Variants in CAMK4 observed in about 807,000 individuals in gnomAD.
CAMK4 encodes the protein calcium/calmodulin-dependent protein kinase type IV.
A neutral mutation model predicts 44.9 loss-of-function variants in CAMK4; 22 were observed. The ratio of observed to expected loss-of-function variants is 0.49; its 90% CI spans 0.35 to 0.70. The LOEUF (loss-of-function observed/expected upper bound fraction) is 0.70, where lower values mean the gene tolerates loss of function less well. Among genes scored for constraint, CAMK4 ranks in the 30% least tolerant of loss-of-function variants. The pLI is 0.01. For synonymous variants in CAMK4, 218 were observed against 215.4 expected (o/e 1.01, Z -0.11); for missense variants, 498 against 586.8 (o/e 0.85, Z 1.56).
At chr5:111,296,629 T>C (rs753063359) in intron 1 of CAMK4, among the ~76,000 whole-genome samples, 5 of 152,168 alleles carry the variant, frequency 3.3e-5, no homozygotes, top group Non-Finnish European at 7.4e-5. Flanking sequence ...TGAGTATAGA[T>C]AGACAAATAA....
chr5:111,292,562 A>G (rs1747318977), intron 1 of CAMK4, among the ~76,000 whole-genome samples: 1 of 152,142 alleles, frequency 6.6e-6, no homozygotes, highest in Non-Finnish European at 1.5e-5. Flanking sequence ...TCTCTGTTTA[A>G]TAGCATAGTG....
intron 1 of CAMK4, 30 bp from the exon 2 acceptor site, chr5:111,343,994 C>A (rs776391884): frequency 1.8e-5 from 24 of 1,326,016 alleles, no homozygotes; most frequent in Non-Finnish European, 2.6e-5. Context: ...CAAAGCATAA[C>A]ATTTTCTTTT....
chr5:111,398,464 T>G (rs1205019327), intron 5 of CAMK4, among the ~76,000 whole-genome samples: 1 of 152,198 alleles, frequency 6.6e-6, no homozygotes, highest in Non-Finnish European at 1.5e-5. Flanking sequence ...TTCTGGTGGT[T>G]TTTTTGCTTT....
intron 5 of CAMK4, among the ~76,000 whole-genome samples, chr5:111,438,977 T>C (rs917037284): frequency 6.6e-6 from 1 of 152,176 alleles, no homozygotes; most frequent in Non-Finnish European, 1.5e-5. Flanking sequence ...CTGACCACAG[T>C]TGGCTGAACC....
Position 111,336,471 on chromosome 5 carries a change from A to C in CAMK4, c.162-7553A>C, listed in dbSNP as rs554839354. 2.6e-4 allele frequency among the ~76,000 whole-genome samples: 30 copies of C among 117,618 alleles called. No homozygotes were observed. In the South Asian group the frequency reaches 4.7e-3, roughly 18 times the overall value. 77.2% of individuals were successfully genotyped at this position (117,618 alleles called of 152,430 possible). A position where few individuals can be genotyped will look rare whatever the true frequency, so the allele number is the denominator to read the frequency against. ...AGTCAACTATTTAATTTCAATTAAT[A>C]ATATAGGTTATTTTTTTGAGAAACT... On this transcript the variant is annotated intron_variant, in intron 1 of 10. Coordinates refer to ENST00000282356, the MANE Select transcript of CAMK4 (RefSeq NM_001744.6).
At chr5:111,433,349 T>A (rs534180078) in intron 5 of CAMK4, among the ~76,000 whole-genome samples, 46 of 152,332 alleles carry the variant, frequency 3.0e-4, no homozygotes, top group African/African-American at 1.1e-3. Flanking sequence ...GACTGCTGAT[T>A]GGAGCACAAG....
chr5:111,243,818 T>C (rs1287615831), intron 1 of CAMK4, among the ~76,000 whole-genome samples: 1 of 152,210 alleles, frequency 6.6e-6, no homozygotes, highest in Non-Finnish European at 1.5e-5. Context: ...ACTGAAGATA[T>C]TGTGACTGTA....
At chr5:111,293,519 C>G (rs936567352) in intron 1 of CAMK4, among the ~76,000 whole-genome samples, 2 of 151,684 alleles carry the variant, frequency 1.3e-5, no homozygotes, top group Admixed American at 6.6e-5. Flanking sequence ...CTCCACCTCC[C>G]GGGTTCAAAT....
At chr5:111,470,954 C>A (rs1002784680) in intron 7 of CAMK4, among the ~76,000 whole-genome samples, 1 of 152,116 alleles carries the variant, frequency 6.6e-6, no homozygotes, top group African/African-American at 2.4e-5. Context: ...CTTGAGCATC[C>A]AAAAAAACCA....
intron 1 of CAMK4, among the ~76,000 whole-genome samples, chr5:111,286,031 G>T (rs896206431): frequency 2.0e-5 from 3 of 152,198 alleles, no homozygotes; most frequent in Non-Finnish European, 2.9e-5. Context: ...ATCAGAGGCT[G>T]AATTGGTATG....
In CAMK4 at chr5:111,413,197, A is replaced by G. The variant is rs528942176; in HGVS notation, c.459+18415A>G. The stretch of plus-strand genomic sequence containing the variant: ...TTTCTAATGGGAAATAAATATTTTA[A>G]TGATATATTTCAGCCAACTAATAAA... On this transcript the variant is annotated intron_variant, in intron 5 of 10. Coordinates refer to ENST00000282356, the MANE Select transcript of CAMK4 (RefSeq NM_001744.6). 2.6e-5 allele frequency among the ~76,000 whole-genome samples: 4 copies of G among 152,330 alleles called. No individual in the cohort carries two copies. In the South Asian group the frequency reaches 8.3e-4, roughly 32 times the overall value.
intron 4 of CAMK4, among the ~76,000 whole-genome samples, chr5:111,388,060 T>C (rs763964280): frequency 2.0e-5 from 3 of 152,192 alleles, no homozygotes; most frequent in Non-Finnish European, 4.4e-5. Flanking sequence ...TTCAGAAAAC[T>C]AACCCTGTGA....
chr5:111,315,649 C>T (rs558630220), intron 1 of CAMK4, among the ~76,000 whole-genome samples: 1 of 152,162 alleles, frequency 6.6e-6, no homozygotes, highest in Non-Finnish European at 1.5e-5. Context: ...CTCTTTTCCT[C>T]TTAAGACTTA....
At chr5:111,298,641 G>T (rs1324633155) in intron 1 of CAMK4, among the ~76,000 whole-genome samples, 1 of 152,178 alleles carries the variant, frequency 6.6e-6, no homozygotes, top group Non-Finnish European at 1.5e-5. Context: ...CCTTGGCAGT[G>T]ACTATCCCTG....
chr5:111,290,516 T>C lies in CAMK4; in HGVS notation c.162-53508T>C, dbSNP rs1222762002. On this transcript the variant is annotated intron_variant, in intron 1 of 10. Transcript: ENST00000282356. This position sits in a 1 kb window ranked among gnomAD's most constrained non-coding sequence, Gnocchi z 4.5. ...CCCAAAGTATAACTACTTAAATCCA[T>C]GGGACTATCCCCTGAGAAGTCTTAT... Among the ~76,000 whole-genome samples the C allele has an allele frequency of 6.6e-6, 1 of 152,168 alleles. No homozygotes were observed. The highest frequency in any genetic ancestry group is 2.4e-5 in the African/African-American group (1 of 41,422).
At chr5:111,355,113 A>C (rs1419601530) in intron 2 of CAMK4, among the ~76,000 whole-genome samples, 1 of 152,110 alleles carries the variant, frequency 6.6e-6, no homozygotes, top group East Asian at 1.9e-4. Flanking sequence ...CACCAGCTCA[A>C]ATAGACTTTT....
intron 8 of CAMK4, among the ~76,000 whole-genome samples, chr5:111,473,652 A>G (rs1755142310): frequency 6.6e-6 from 1 of 152,216 alleles, no homozygotes; most frequent in Admixed American, 6.5e-5. Flanking sequence ...GGAACAGTTT[A>G]TTACTTGACA....
intron 7 of CAMK4, among the ~76,000 whole-genome samples, chr5:111,453,972 G>T (rs1172214116): frequency 6.6e-6 from 1 of 152,076 alleles, no homozygotes; most frequent in Non-Finnish European, 1.5e-5. Context: ...CTGGTTAATC[G>T]GTATGTGAAA....
At chr5:111,467,014 A>G (rs561055699) in intron 7 of CAMK4, among the ~76,000 whole-genome samples, 115 of 152,332 alleles carry the variant, frequency 7.5e-4, no homozygotes, top group Admixed American at 3.0e-3. Context: ...GGAACAGAAT[A>G]GAGAACCCAG....
Sources: gnomAD v4.1 joint callset for allele counts (sites outside exome capture counted in the v4.1 genomes callset) on GRCh38, gnomAD v4.1.1 for gene constraint, Gnocchi (gnomAD v3.1) non-coding constraint, MANE v1.5 for transcripts, NCBI Gene and HGNC (gene_info 2026-07-23, HGNC 2026-07-21) for gene names.